Variants in THSD4 observed in about 807,000 individuals in gnomAD.
The protein encoded by THSD4 is thrombospondin type-1 domain-containing protein 4.
Under a neutral mutation model 119.0 loss-of-function variants are expected in THSD4, and 69 were observed. The ratio of observed to expected loss-of-function variants is 0.58; its 90% CI spans 0.48 to 0.71. The LOEUF (loss-of-function observed/expected upper bound fraction) is 0.71. Among genes scored for constraint, THSD4 ranks in the 30% least tolerant of loss-of-function variants. The pLI is 0.00. For missense variants in THSD4, 1,393 were observed against 1,391.1 expected, an observed-to-expected ratio of 1.00 and a Z score of -0.02; for synonymous variants, 524 against 540.4, an observed-to-expected ratio of 0.97 and a Z score of 0.42.
chr15:71,381,500 G>T (rs1051455906), intron 6 of THSD4, among the ~76,000 whole-genome samples: 5 of 152,170 alleles, frequency 3.3e-5, no homozygotes, highest in African/African-American at 1.2e-4. Flanking sequence ...AGCATTCTGG[G>T]AATTATTACC....
intron 7 of THSD4, among the ~76,000 whole-genome samples, chr15:71,635,949 T>C (rs2140953866): frequency 6.6e-6 from 1 of 152,298 alleles, no homozygotes; most frequent in African/African-American, 2.4e-5. Context: ...AGCTGGTAGA[T>C]GGCAGGGTCA....
rs1324204666 is a variant in THSD4, at chr15:71,547,120, TC to T, written c.1153-113407del. On this transcript the variant is annotated intron_variant, in intron 7 of 17. Coordinates refer to ENST00000261862, the MANE Select transcript of THSD4 (RefSeq NM_024817.3). ...CAGAACTCCACATTGATCATTTCTGTCCCTCCCCTTTCTGCTTTCTGTTAAA... is the reference window on the plus strand; with the variant it reads ...CAGAACTCCACATTGATCATTTCTGTCCTCCCCTTTCTGCTTTCTGTTAAA... The T allele has an allele frequency of 6.4e-6, 6 of 943,318 alleles. No homozygotes were observed. In the East Asian group the frequency reaches 2.8e-4, roughly 43 times the overall value. The allele number at this position is 943,318 out of a possible 1,614,324, so 58.4% of individuals were successfully genotyped here. A position where few individuals can be genotyped will look rare whatever the true frequency, so the allele number is the denominator to read the frequency against.
intron 6 of THSD4, among the ~76,000 whole-genome samples, chr15:71,322,770 G>A (rs1385924396): frequency 3.3e-5 from 5 of 152,064 alleles, no homozygotes; most frequent in African/African-American, 9.7e-5. Context: ...CTCCTGACAC[G>A]GTGACTGGCC....
intron 5 of THSD4, among the ~76,000 whole-genome samples, chr15:71,249,166 A>G (rs1292763669): frequency 6.6e-6 from 1 of 152,052 alleles, no homozygotes; most frequent in African/African-American, 2.4e-5. Context: ...ACACATATGT[A>G]TATATATGTA....
At chr15:71,309,700 T>C (rs921776811) in intron 6 of THSD4, among the ~76,000 whole-genome samples, 1 of 152,248 alleles carries the variant, frequency 6.6e-6, no homozygotes, top group African/African-American at 2.4e-5. Context: ...CTTTTGCATG[T>C]GGATATCCAG....
At chr15:71,630,238 T>C (rs1359620808) in intron 7 of THSD4, among the ~76,000 whole-genome samples, 3 of 152,138 alleles carry the variant, frequency 2.0e-5, no homozygotes, top group African/African-American at 7.2e-5. Context: ...CTTAGGCAAA[T>C]GGATGACCAC....
intron 7 of THSD4, among the ~76,000 whole-genome samples, chr15:71,427,336 A>G (rs2046884942): frequency 6.6e-6 from 1 of 151,310 alleles, no homozygotes; most frequent in Admixed American, 6.6e-5. Context: ...TAGTGGGAAA[A>G]GTAATACAAA....
At chr15:71,618,689 G>A (rs894461929) in intron 7 of THSD4, among the ~76,000 whole-genome samples, 1 of 150,120 alleles carries the variant, frequency 6.7e-6, no homozygotes, top group South Asian at 2.1e-4. Context: ...TCCTCCAACC[G>A]CAGCCTCCTG....
At chr15:71,223,332 C>T (rs1301982833) in intron 4 of THSD4, among the ~76,000 whole-genome samples, 1 of 152,190 alleles carries the variant, frequency 6.6e-6, no homozygotes, top group Non-Finnish European at 1.5e-5. Flanking sequence ...ATTAATTTAG[C>T]TAAGTTTGAT....
chr15:71,505,191 C>T (rs2048169201), intron 7 of THSD4, among the ~76,000 whole-genome samples: 1 of 148,546 alleles, frequency 6.7e-6, no homozygotes, highest in Non-Finnish European at 1.5e-5. Flanking sequence ...ATGCTCACCT[C>T]CCCATCCTTG....
At chr15:71,299,976 A>AAAAAAATATATATATATATATAT (rs1555462049) in intron 6 of THSD4, among the ~76,000 whole-genome samples, 2 of 48,320 alleles carry the variant, frequency 4.1e-5, no homozygotes, top group African/African-American at 1.5e-4. Flanking sequence ...AAAAAAAAAA[A>AAAAAAATATATATATATATATAT]ATATATATAT....
chr15:71,648,653 C>A (rs921339691), intron 7 of THSD4, among the ~76,000 whole-genome samples: 5 of 152,192 alleles, frequency 3.3e-5, no homozygotes, highest in African/African-American at 1.2e-4. Context: ...TGTTACAGCT[C>A]TGTCTTCAAA....
intron 1 of THSD4, among the ~76,000 whole-genome samples, chr15:71,137,943 G>T (rs1302771438): frequency 6.6e-6 from 1 of 152,176 alleles, no homozygotes; most frequent in Non-Finnish European, 1.5e-5. Context: ...GATAATTTCA[G>T]ATGTTTTTCC....
chr15:71,676,492 G>A (rs1478920936), intron 8 of THSD4, among the ~76,000 whole-genome samples: 1 of 152,106 alleles, frequency 6.6e-6, no homozygotes, highest in Non-Finnish European at 1.5e-5. Flanking sequence ...ATGTTGGCCA[G>A]GATGGTCTCA....
At chr15:71,409,623 G>A (rs141042058) in intron 6 of THSD4, among the ~76,000 whole-genome samples, 9 of 152,288 alleles carry the variant, frequency 5.9e-5, no homozygotes, top group African/African-American at 1.7e-4. Flanking sequence ...TTCTAAGATA[G>A]AGCTCAGAGT....
intron 8 of THSD4, among the ~76,000 whole-genome samples, chr15:71,700,892 T>C (rs150358781): frequency 1.3e-5 from 2 of 152,156 alleles, no homozygotes; most frequent in Non-Finnish European, 2.9e-5. Flanking sequence ...AAACTATAAA[T>C]ATACCAAAAG....
chr15:71,115,969 C>T lies in THSD4; in HGVS notation c.-80+271C>T, dbSNP rs893092821. 2.7e-4 allele frequency among the ~76,000 whole-genome samples: 41 copies of T among 152,314 alleles called. No homozygotes were observed. Among genetic ancestry groups the T allele is most frequent in the Admixed American group, 2.4e-3 (37 of 15,308 alleles). Reference sequence around the variant, plus strand: ...TGTGCTGGCGCCGGCGCTCATCCCTCCACCCTCGACTCTAGGGACAGTCTT... The same window carrying T: ...TGTGCTGGCGCCGGCGCTCATCCCTTCACCCTCGACTCTAGGGACAGTCTT... On this transcript the variant is annotated intron_variant, in intron 1 of 17. Coordinates refer to ENST00000261862, the MANE Select transcript of THSD4 (RefSeq NM_024817.3). This position sits in a 1 kb window ranked among gnomAD's most constrained non-coding sequence, Gnocchi z 4.4.
intron 2 of THSD4, among the ~76,000 whole-genome samples, chr15:71,152,612 C>A (rs2040734553): frequency 6.6e-6 from 1 of 152,102 alleles, no homozygotes; most frequent in Admixed American, 6.5e-5. Context: ...CCACTCACTG[C>A]CATTGTGAAT....
chr15:71,731,152 A>G lies in THSD4; in HGVS notation c.1565A>G (p.His522Arg), dbSNP rs752783290. The change falls in exon 10 of 18, where the codon CAC becomes CGC. Residue 522 changes from histidine to arginine, a missense_variant. Coordinates refer to ENST00000261862, the MANE Select transcript of THSD4 (RefSeq NM_024817.3). ...CACCAGCAGCCAAACCCAGGCGTGC[A>G]CTACGAGTACGTGATCATGGGGACC... ...MIHQQPNPGVHYEYVIMGTNA... is the reference protein window; with the variant it reads ...MIHQQPNPGVRYEYVIMGTNA... The G allele has an allele frequency of 1.4e-5, 23 of 1,614,200 alleles. No individual in the cohort carries two copies. The highest frequency in any genetic ancestry group is 3.3e-5 in the South Asian group (3 of 91,082).
Sources: allele counts gnomAD v4.1 joint callset (sites outside exome capture counted in the v4.1 genomes callset), GRCh38; gene constraint gnomAD v4.1.1; non-coding constraint Gnocchi (gnomAD v3.1); transcripts MANE v1.5; gene names NCBI Gene and HGNC (gene_info 2026-07-23, HGNC 2026-07-21).